The following OPCML variants were observed in gnomAD, a reference collection of about 807,000 sequenced individuals.
OPCML encodes opioid binding protein/cell adhesion molecule like, also known as opioid-binding protein/cell adhesion molecule.
In OPCML, 13 loss-of-function variants were observed where a neutral mutation model predicts 37.8. That is an observed-to-expected ratio of 0.34 (90% CI 0.22 to 0.55). The LOEUF (loss-of-function observed/expected upper bound fraction) is 0.55. Ranked by LOEUF, OPCML falls within the 20% of genes least tolerant of loss-of-function variation. The probability of loss-of-function intolerance (pLI) is 0.91; values close to 1 mark genes in which losing one functional copy is unlikely to be tolerated. For missense variants in OPCML, 341 were observed against 435.6 expected, an observed-to-expected ratio of 0.78 and a Z score of 1.93; for synonymous variants, 176 against 168.8, an observed-to-expected ratio of 1.04 and a Z score of -0.33.
intron 1 of OPCML, among the ~76,000 whole-genome samples, chr11:133,510,309 A>G (rs1948127330): frequency 1.3e-5 from 2 of 152,208 alleles, no homozygotes; most frequent in South Asian, 2.1e-4. Context: ...GGAAGAGGGT[A>G]TAGGGGAAAG....
chr11:133,481,349 A>G (rs1050394773), intron 1 of OPCML, among the ~76,000 whole-genome samples: 1 of 152,142 alleles, frequency 6.6e-6, no homozygotes, highest in African/African-American at 2.4e-5. Flanking sequence ...GAAAAGGGAA[A>G]TTACTGATCA....
chr11:133,117,173 G>T (rs1040421484), intron 1 of OPCML, among the ~76,000 whole-genome samples: 1 of 152,104 alleles, frequency 6.6e-6, no homozygotes, highest in Non-Finnish European at 1.5e-5. Context: ...GTTGGCTCCT[G>T]TGTCATTTCA....
chr11:133,122,656 C>A (rs1460762995), intron 1 of OPCML, among the ~76,000 whole-genome samples: 1 of 152,080 alleles, frequency 6.6e-6, no homozygotes, highest in Non-Finnish European at 1.5e-5. Context: ...ATATACTTCC[C>A]CTCCCTATAC....
chr11:132,428,220 A>T (rs1450592896), intron 7 of OPCML, among the ~76,000 whole-genome samples: 1 of 152,238 alleles, frequency 6.6e-6, no homozygotes, highest in Admixed American at 6.5e-5. Flanking sequence ...AGGGAAAGTC[A>T]GAAAAATAGT....
chr11:132,840,504 G>T (rs1941241415), intron 2 of OPCML, among the ~76,000 whole-genome samples: 1 of 152,064 alleles, frequency 6.6e-6, no homozygotes, highest in Admixed American at 6.5e-5. Flanking sequence ...CTGCTAGTGG[G>T]TGGAAAGCCC....
At chr11:133,406,148 A>G (rs773263674) in intron 1 of OPCML, among the ~76,000 whole-genome samples, 2 of 152,162 alleles carry the variant, frequency 1.3e-5, no homozygotes, top group Non-Finnish European at 2.9e-5. Context: ...ATGATCTATC[A>G]TAACAATAAT....
At chr11:133,442,626 T>C (rs1484799417) in intron 1 of OPCML, among the ~76,000 whole-genome samples, 1 of 152,064 alleles carries the variant, frequency 6.6e-6, no homozygotes, top group South Asian at 2.1e-4. Context: ...AGGAAGTAGG[T>C]CCATTCTTAC....
intron 1 of OPCML, among the ~76,000 whole-genome samples, chr11:133,094,590 G>T (rs1948968451): frequency 6.6e-6 from 1 of 152,096 alleles, no homozygotes; most frequent in South Asian, 2.1e-4. Flanking sequence ...CTTGTTAGTA[G>T]ACTATATTCT....
intron 2 of OPCML, among the ~76,000 whole-genome samples, chr11:132,795,945 AAC>A (rs1330059694): frequency 6.6e-6 from 1 of 152,198 alleles, no homozygotes; most frequent in African/African-American, 2.4e-5. Context: ...TCAGATGGAA[AAC>A]ATGTTTTTTA....
chr11:132,853,925 T>C (rs997824204), intron 2 of OPCML, among the ~76,000 whole-genome samples: 6 of 152,234 alleles, frequency 3.9e-5, no homozygotes, highest in South Asian at 4.1e-4. Flanking sequence ...GTGTTAATTG[T>C]GTTCAATGGT....
intron 3 of OPCML, among the ~76,000 whole-genome samples, chr11:132,562,896 A>G (rs184376973): frequency 1.2e-4 from 18 of 152,320 alleles, no homozygotes; most frequent in Non-Finnish European, 1.5e-5. Context: ...TGATGTATAC[A>G]CTGGAAATGC....
rs949751352 is a variant in OPCML at position 132,418,070 on chromosome 11, T to C, written c.*2123A>G. ...ATGTATGTATATATGTATAGATATC[T>C]CTGTGTGTGTTTCCCCATGGCAGAG... On this transcript the variant is annotated 3_prime_UTR_variant, in exon 8 of 8. Coordinates refer to ENST00000524381, the MANE Select transcript of OPCML (RefSeq NM_001012393.5). 1 of 152,242 alleles carries C rather than the reference T, an allele frequency of 6.6e-6. No individual in the cohort carries two copies. The highest frequency in any genetic ancestry group is 2.4e-5 in the African/African-American group (1 of 41,462). 9.4% of individuals were successfully genotyped at this position (152,242 alleles called of 1,614,324 possible).
chr11:132,615,575 T>A (rs1489880854), intron 3 of OPCML, among the ~76,000 whole-genome samples: 5 of 152,152 alleles, frequency 3.3e-5, no homozygotes, highest in Admixed American at 1.3e-4. Context: ...CTATGTAGCA[T>A]TTACATTTAT....
At chr11:132,654,852 C>A (rs1941626087) in intron 3 of OPCML, among the ~76,000 whole-genome samples, 1 of 151,574 alleles carries the variant, frequency 6.6e-6, no homozygotes, top group South Asian at 2.1e-4. Context: ...CCCACCCATC[C>A]TGACTGCCTC....
chr11:132,480,195 C>T (rs2096174449), intron 4 of OPCML, among the ~76,000 whole-genome samples: 1 of 152,132 alleles, frequency 6.6e-6, no homozygotes, highest in African/African-American at 2.4e-5. Flanking sequence ...GAGCTGAAAA[C>T]CAAGGCTTGA....
At chr11:132,608,445 T>G (rs950954874) in intron 3 of OPCML, among the ~76,000 whole-genome samples, 5 of 152,186 alleles carry the variant, frequency 3.3e-5, no homozygotes, top group Non-Finnish European at 5.9e-5. Context: ...GCAGCTTGTT[T>G]TCTTGATTTT....
At chr11:133,084,702 A>G (rs1948793110) in intron 1 of OPCML, among the ~76,000 whole-genome samples, 1 of 152,176 alleles carries the variant, frequency 6.6e-6, no homozygotes, top group African/African-American at 2.4e-5. Flanking sequence ...GCTCAGCCTC[A>G]TGGGGTCTCC....
chr11:132,962,627 C>A (rs1029812211), intron 1 of OPCML, among the ~76,000 whole-genome samples: 1 of 152,186 alleles, frequency 6.6e-6, no homozygotes, highest in Admixed American at 6.5e-5. Flanking sequence ...ACACACTCCC[C>A]GAATGGACAA....
At chr11:132,878,146 T>TA (rs1943090487) in intron 2 of OPCML, among the ~76,000 whole-genome samples, 1 of 150,848 alleles carries the variant, frequency 6.6e-6, no homozygotes, top group South Asian at 2.1e-4. Flanking sequence ...CGCACTACTG[T>TA]ACTCCAGCCT....
Sources: allele counts gnomAD v4.1 joint callset (sites outside exome capture counted in the v4.1 genomes callset), GRCh38; gene constraint gnomAD v4.1.1; transcripts MANE v1.5; gene names NCBI Gene and HGNC (gene_info 2026-07-23, HGNC 2026-07-21).